The following PPP1R12A variants were observed in gnomAD, a reference collection of about 807,000 sequenced individuals.
The protein encoded by PPP1R12A is protein phosphatase 1 regulatory subunit 12A, also known as myosin binding subunit.
Under a neutral mutation model 139.6 loss-of-function variants are expected in PPP1R12A, and 19 were observed. The ratio of observed to expected loss-of-function variants is 0.14; its 90% CI spans 0.09 to 0.20. The LOEUF is 0.20. Among genes scored for constraint, PPP1R12A ranks in the 10% least tolerant of loss-of-function variants. The pLI, the probability that PPP1R12A is intolerant of heterozygous loss-of-function variation, is 1.00. For synonymous variants in PPP1R12A, 427 were observed against 420.6 expected, an observed-to-expected ratio of 1.02 and a Z score of -0.19; for missense variants, 925 against 1,211.5, an observed-to-expected ratio of 0.76 and a Z score of 3.51.
At chr12:79,878,054 T>G (rs7953099) in intron 1 of PPP1R12A, among the ~76,000 whole-genome samples, 12,699 of 152,098 alleles carry the variant, frequency 0.083, 1,344 homozygotes, top group African/African-American at 0.25. Flanking sequence ...GTTTTTTTTT[T>G]GTTTGTTTTG....
chr12:79,890,277 A>G (rs1884469607), intron 1 of PPP1R12A, among the ~76,000 whole-genome samples: 2 of 152,230 alleles, frequency 1.3e-5, no homozygotes, highest in South Asian at 4.1e-4. Flanking sequence ...TTTAAATATC[A>G]TACACTCTAA....
chr12:79,828,351 T>C lies in PPP1R12A; in HGVS notation c.761A>G (p.Asn254Ser), dbSNP rs772800831. 13 of 1,612,396 alleles carry C rather than the reference T, an allele frequency of 8.1e-6. No individual in the cohort carries two copies. Among genetic ancestry groups the C allele is most frequent in the African/African-American group, 2.7e-5 (2 of 74,870 alleles). The change falls in exon 5 of 25, where the codon AAT (asparagine) becomes AGT (serine). Residue 254 changes from asparagine (N) to serine (S), a missense_variant. Around this residue, in one of 4 missense-constraint regions of PPP1R12A, gnomAD observed 199 missense variants for 352.4 expected, o/e 0.56. Coordinates refer to ENST00000450142, the MANE Select transcript of PPP1R12A (RefSeq NM_002480.3). The part of the protein sequence containing the change: ...KEEACRILVD[N>S]LCDMEMVNKV... ...GTTGACCATCTCCATATCACACAGA[T>C]TGTCCACTAAAATTCGACATGCTTC... is the stretch of plus-strand genomic sequence containing the variant.
At position 79,805,597 on chromosome 12, in the gene PPP1R12A, T is replaced by C. The variant is rs760074334; in HGVS notation, c.1995A>G (p.Arg665=). 6.2e-7 allele frequency: 1 copy of C among 1,613,594 alleles called. No individual in the cohort carries two copies. Among genetic ancestry groups the C allele is most frequent in the South Asian group, 1.1e-5 (1 of 91,052 alleles). ...CTGTTATGACCTTTACACACCTGCGTCTCTCCCTGACCTCTGTTGTGGAGG... is the reference window on the plus strand; with the variant it reads ...CTGTTATGACCTTTACACACCTGCGCCTCTCCCTGACCTCTGTTGTGGAGG... ...TVSSTTEVRE[R]RRSYLTPVRD... is the part of the protein sequence containing the mutation. Residue 665 remains arginine, a synonymous_variant, in exon 14 of 25, where the codon AGA becomes AGG. Transcript: ENST00000450142.
chr12:79,879,767 T>A (rs1883454944), intron 1 of PPP1R12A, among the ~76,000 whole-genome samples: 1 of 152,090 alleles, frequency 6.6e-6, no homozygotes, highest in Admixed American at 6.5e-5. Context: ...CCTATCTTTG[T>A]CGGGGTGATT....
intron 1 of PPP1R12A, among the ~76,000 whole-genome samples, chr12:79,895,342 C>T (rs1026533841): frequency 1.3e-5 from 2 of 152,026 alleles, no homozygotes; most frequent in African/African-American, 4.8e-5. Flanking sequence ...ACAGGAGAAA[C>T]TCTAAGAAAA....
At chr12:79,778,221 A>C (rs1049319470) in intron 24 of PPP1R12A, 2 of 166,972 alleles carry the variant, frequency 1.2e-5, no homozygotes, top group African/African-American at 4.7e-5. Flanking sequence ...AAGAATAAAT[A>C]ATAAATCCTA....
intron 3 of PPP1R12A, among the ~76,000 whole-genome samples, chr12:79,841,992 A>C (rs891357191): frequency 1.3e-5 from 2 of 151,120 alleles, no homozygotes; most frequent in African/African-American, 2.5e-5. Flanking sequence ...TTATTTTCTC[A>C]GTTTTCATGC....
chr12:79,896,435 G>T (rs1363471149), intron 1 of PPP1R12A, among the ~76,000 whole-genome samples: 2 of 152,018 alleles, frequency 1.3e-5, no homozygotes, highest in East Asian at 3.9e-4. Context: ...CCAGGCTCAG[G>T]TGATTCTTCC....
chr12:79,913,242 T>C (rs1345385403), intron 1 of PPP1R12A, among the ~76,000 whole-genome samples: 4 of 152,258 alleles, frequency 2.6e-5, no homozygotes, highest in Non-Finnish European at 5.9e-5. Flanking sequence ...AATAATCTTT[T>C]TGTGTCCTGT....
chr12:79,874,603 C>T (rs1415506547), intron 1 of PPP1R12A, among the ~76,000 whole-genome samples: 1 of 151,764 alleles, frequency 6.6e-6, no homozygotes, highest in Non-Finnish European at 1.5e-5. Context: ...TACATATAAC[C>T]TGCAGAAACA....
chr12:79,838,676 A>G lies in PPP1R12A; in HGVS notation c.488-6185T>C, dbSNP rs539206319. On this transcript the variant is annotated intron_variant, in intron 3 of 24. Transcript: ENST00000450142. ...CTCAGGCCATCGCTTCAGAGGATGC[A>G]AGCCCCAAGCCTTTGTGGCTTCCAT... 1.4e-3 allele frequency among the ~76,000 whole-genome samples: 218 copies of G among 152,332 alleles called. 1 individual carries two copies. Among genetic ancestry groups the G allele is most frequent in the African/African-American group, 5.0e-3 (208 of 41,590 alleles).
chr12:79,814,743 A>T (rs1474111048), intron 9 of PPP1R12A, among the ~76,000 whole-genome samples: 1 of 123,382 alleles, frequency 8.1e-6, no homozygotes, highest in Non-Finnish European at 1.6e-5. Flanking sequence ...TGAATCTGGG[A>T]GGTGGAGGTT....
chr12:79,795,532 G>A lies in PPP1R12A; in HGVS notation c.2583+106C>T, dbSNP rs1037222955. The A allele has an allele frequency of 6.9e-6, 8 of 1,165,860 alleles. No homozygotes were observed. The Admixed American group carries it at 7.5e-5, about 11-fold the overall frequency. The allele number at this position is 1,165,860 out of a possible 1,614,324, so 72.2% of individuals were successfully genotyped here. On this transcript the variant is annotated intron_variant, in intron 18 of 24. Transcript: ENST00000450142. ...TCAGAAAACACAGTGATGATTTAAG[G>A]AATATGAAATCTAAGGCATATAAGA...
chr12:79,851,411 A>G (rs1880025504), intron 2 of PPP1R12A, among the ~76,000 whole-genome samples: 1 of 152,210 alleles, frequency 6.6e-6, no homozygotes. Context: ...CTGACCTCAG[A>G]CCTTTGAAAG....
chr12:79,779,512 T>C (rs908645162), intron 23 of PPP1R12A: 2 of 470,886 alleles, frequency 4.2e-6, no homozygotes, highest in African/African-American at 4.0e-5. Context: ...GTAGACAGAA[T>C]CCTACTGATC....
chr12:79,849,607 A>T (rs1879812248), intron 2 of PPP1R12A, among the ~76,000 whole-genome samples: 1 of 151,786 alleles, frequency 6.6e-6, no homozygotes, highest in Non-Finnish European at 1.5e-5. Flanking sequence ...CTTGGAAAGA[A>T]AACAAACAAA....
chr12:79,826,567 A>T (rs1876800338), intron 5 of PPP1R12A, among the ~76,000 whole-genome samples: 1 of 152,118 alleles, frequency 6.6e-6, no homozygotes, highest in Non-Finnish European at 1.5e-5. Context: ...AGGAGTAAAT[A>T]AAATTTAGAG....
intron 19 of PPP1R12A, among the ~76,000 whole-genome samples, chr12:79,791,373 G>A (rs1408609605): frequency 6.6e-6 from 1 of 152,102 alleles, no homozygotes; most frequent in East Asian, 1.9e-4. Context: ...TGTTTCCCAG[G>A]CTGGAGTGCA....
chr12:79,804,972 G>C (rs1036245374), intron 14 of PPP1R12A, among the ~76,000 whole-genome samples: 1 of 152,130 alleles, frequency 6.6e-6, no homozygotes, highest in Non-Finnish European at 1.5e-5. Context: ...GGCAGCAACA[G>C]AAAGAAGTGA....
Sources: gnomAD v4.1 joint callset for allele counts (sites outside exome capture counted in the v4.1 genomes callset) on GRCh38, gnomAD v4.1.1 for gene constraint, gnomAD v4.1.1 regional missense constraint, MANE v1.5 for transcripts, NCBI Gene and HGNC (gene_info 2026-07-23, HGNC 2026-07-21) for gene names.